The following AGAP1 variants were observed in gnomAD, a reference collection of about 807,000 sequenced individuals.
The protein encoded by AGAP1 is arf-GAP with GTPase, ANK repeat and PH domain-containing protein 1.
A neutral mutation model predicts 105.3 loss-of-function variants in AGAP1; 29 were observed. That is an observed-to-expected ratio of 0.28 (90% CI 0.21 to 0.38). AGAP1 has a LOEUF of 0.38. Among genes scored for constraint, AGAP1 ranks in the 10% least tolerant of loss-of-function variants. The pLI, the probability that AGAP1 is intolerant of heterozygous loss-of-function variation, is 1.00. For missense variants in AGAP1, 998 were observed against 1,165.1 expected, an observed-to-expected ratio of 0.86 and a Z score of 2.09; for synonymous variants, 509 against 485.9, an observed-to-expected ratio of 1.05 and a Z score of -0.63.
rs2125515000 is a variant in AGAP1 at position 236,001,161 on chromosome 2, A to T, written c.1645+32538A>T. ...TGGAGACTCTGGCGGTGGCTGGGGC[A>T]GCGCGGCTGTGGGGCAGAGAATGCT... is the stretch of plus-strand genomic sequence containing the variant. On this transcript the variant is annotated intron_variant, in intron 13 of 17. Transcript: ENST00000304032. This position sits in a 1 kb window ranked among gnomAD's most constrained non-coding sequence, Gnocchi z 4.7. 6.6e-6 allele frequency among the ~76,000 whole-genome samples: 1 copy of T among 152,298 alleles called. No individual in the cohort carries two copies. The highest frequency in any genetic ancestry group is 1.5e-5 in the Non-Finnish European group (1 of 68,016).
intron 6 of AGAP1, chr2:235,774,187 C>T (rs1259527167): frequency 1.3e-5 from 5 of 380,422 alleles, no homozygotes; most frequent in Non-Finnish European, 2.6e-5. Context: ...ATATTATAGA[C>T]ATTTCTTCTG....
chr2:235,687,123 G>C (rs1949492959), intron 1 of AGAP1, among the ~76,000 whole-genome samples: 1 of 152,138 alleles, frequency 6.6e-6, no homozygotes, highest in Admixed American at 6.5e-5. Context: ...CTTGGCCTCA[G>C]TTTCCTCGTA....
In AGAP1 at chr2:235,769,223, C is replaced by T. The variant is rs923461986; in HGVS notation, c.673+18735C>T. ...CAGGCGTGTCTTTTGTCCCCCAGTGCCTGGCACGGTGCCCTCCAGGAGTAC... is the reference window on the plus strand; with the variant it reads ...CAGGCGTGTCTTTTGTCCCCCAGTGTCTGGCACGGTGCCCTCCAGGAGTAC... On this transcript the variant is annotated intron_variant, in intron 6 of 17. Transcript: ENST00000304032. The surrounding 1 kb of genome is among the most constrained non-coding windows in gnomAD (Gnocchi z 4.4). Among the ~76,000 whole-genome samples, 3 of 152,258 alleles carry T rather than the reference C, an allele frequency of 2.0e-5. No individual in the cohort carries two copies. The South Asian group carries it at 6.2e-4, about 32-fold the overall frequency.
At chr2:235,588,828 G>C (rs1945220467) in intron 1 of AGAP1, among the ~76,000 whole-genome samples, 1 of 152,118 alleles carries the variant, frequency 6.6e-6, no homozygotes, top group South Asian at 2.1e-4. Flanking sequence ...CCTTTACCCA[G>C]CACGTTGGGG....
chr2:236,027,278 A>T lies in AGAP1; in HGVS notation c.1646-9283A>T, dbSNP rs920927650. On this transcript the variant is annotated intron_variant, in intron 13 of 17. Transcript: ENST00000304032. The surrounding 1 kb of genome is among the most constrained non-coding windows in gnomAD (Gnocchi z 4.4). ...AAAAATGAAGCCACCTAAAGACAGGATCCTGGGAAACACATGGGCCTAGCA... is the reference window on the plus strand; with the variant it reads ...AAAAATGAAGCCACCTAAAGACAGGTTCCTGGGAAACACATGGGCCTAGCA... Among the ~76,000 whole-genome samples the T allele has an allele frequency of 1.3e-5, 2 of 152,076 alleles. No individual in the cohort carries two copies. Among genetic ancestry groups the T allele is most frequent in the Non-Finnish European group, 2.9e-5 (2 of 68,006 alleles).
intron 12 of AGAP1, among the ~76,000 whole-genome samples, chr2:235,940,526 A>G (rs1002311578): frequency 4.6e-5 from 7 of 152,160 alleles, no homozygotes; most frequent in African/African-American, 1.2e-4. Context: ...CATCCACCAG[A>G]TAGTTCAGGC....
intron 1 of AGAP1, among the ~76,000 whole-genome samples, chr2:235,702,948 G>A (rs1384377537): frequency 7.5e-4 from 8 of 10,598 alleles, no homozygotes; most frequent in African/African-American, 2.8e-3. Context: ...TTTTTTTTTG[G>A]ACAGAGTCTG....
rs766078050 is a variant in AGAP1 at position 235,753,364 on chromosome 2, A to G, written c.673+2876A>G. On this transcript the variant is annotated intron_variant, in intron 6 of 17. Transcript: ENST00000304032. The surrounding 1 kb of genome is among the most constrained non-coding windows in gnomAD (Gnocchi z 4.5). ...GTGTCCGTTTTCATGGGCACAGGAG[A>G]TTTCCGTTCCAGTTTCGTATTATAG... Among the ~76,000 whole-genome samples the G allele has an allele frequency of 5.3e-5, 8 of 152,032 alleles. No individual in the cohort carries two copies. The highest frequency in any genetic ancestry group is 1.0e-4 in the Non-Finnish European group (7 of 68,004).
Position 235,758,939 on chromosome 2 carries a change from C to T in AGAP1, c.673+8451C>T, listed in dbSNP as rs146903370. ...TCCCAAGTTGCTGGGATTACAGGTG[C>T]GTGCCAGCACACCCAGCTAGTTTTT... is the stretch of plus-strand genomic sequence containing the variant. On this transcript the variant is annotated intron_variant, in intron 6 of 17. Coordinates refer to ENST00000304032, the MANE Select transcript of AGAP1 (RefSeq NM_001037131.3). 4.3e-3 allele frequency among the ~76,000 whole-genome samples: 649 copies of T among 152,010 alleles called. 3 individuals are homozygous for T. Among genetic ancestry groups the T allele is most frequent in the African/African-American group, 0.015 (605 of 41,472 alleles).
rs996796995 is a variant in AGAP1, at chr2:235,720,284, T to C, written c.310+2640T>C. Among the ~76,000 whole-genome samples, 3 of 152,150 alleles carry C rather than the reference T, an allele frequency of 2.0e-5. No homozygotes were observed. Among genetic ancestry groups the C allele is most frequent in the Non-Finnish European group, 4.4e-5 (3 of 68,022 alleles). ...GATCAATTACCCATGCTTTGCTTAA[T>C]TGAGAAGCTTTAGGTATAGAGTGTT... is the stretch of plus-strand genomic sequence containing the variant. On this transcript the variant is annotated intron_variant, in intron 3 of 17. Transcript: ENST00000304032. The surrounding 1 kb of genome is among the most constrained non-coding windows in gnomAD (Gnocchi z 5.0).
At position 235,644,656 on chromosome 2, in the gene AGAP1, A is replaced by G. The variant is rs183120077; in HGVS notation, c.164-64523A>G. 2.1e-3 allele frequency among the ~76,000 whole-genome samples: 320 copies of G among 152,240 alleles called. 1 individual carries two copies. The highest frequency in any genetic ancestry group is 3.1e-3 in the Non-Finnish European group (208 of 68,000). ...CGCTTGGCCACCAGGGGATCTTGGC[A>G]AGAGAGGCCGTGGGATTTGAGAGTT... On this transcript the variant is annotated intron_variant, in intron 1 of 17. Coordinates refer to ENST00000304032, the MANE Select transcript of AGAP1 (RefSeq NM_001037131.3).
rs976620748 is a variant in AGAP1 at position 235,700,388 on chromosome 2, C to T, written c.164-8791C>T. On this transcript the variant is annotated intron_variant, in intron 1 of 17. Transcript: ENST00000304032. This position sits in a 1 kb window ranked among gnomAD's most constrained non-coding sequence, Gnocchi z 6.1. Reference sequence around the variant, plus strand: ...TCCTCACGCCCTCTGCTTTGATTCTCTCAGACGTGAATCCTTTAAGCAGTG... The same window carrying T: ...TCCTCACGCCCTCTGCTTTGATTCTTTCAGACGTGAATCCTTTAAGCAGTG... Among the ~76,000 whole-genome samples, 5 of 152,204 alleles carry T rather than the reference C, an allele frequency of 3.3e-5. No homozygotes were observed. The highest frequency in any genetic ancestry group is 4.8e-5 in the African/African-American group (2 of 41,430).
rs1946531824 is a variant in AGAP1, at chr2:235,622,933, G to C, written c.164-86246G>C. On this transcript the variant is annotated intron_variant, in intron 1 of 17. Coordinates refer to ENST00000304032, the MANE Select transcript of AGAP1 (RefSeq NM_001037131.3). The surrounding 1 kb of genome is among the most constrained non-coding windows in gnomAD (Gnocchi z 5.0). ...TATTGGCATGAGAACCACGTCCCCA[G>C]CTATTCCCACCTGCACACTGGAGGG... Among the ~76,000 whole-genome samples the C allele has an allele frequency of 6.6e-6, 1 of 152,072 alleles. No homozygotes were observed. The highest frequency in any genetic ancestry group is 1.5e-5 in the Non-Finnish European group (1 of 68,028).
intron 1 of AGAP1, among the ~76,000 whole-genome samples, chr2:235,590,715 ATTTTT>A (rs67076321): frequency 7.4e-5 from 4 of 53,716 alleles, no homozygotes; most frequent in African/African-American, 3.5e-4. Flanking sequence ...GTGTGTGTGC[ATTTTT>A]TTTTTTTTTT....
intron 3 of AGAP1, among the ~76,000 whole-genome samples, chr2:235,735,625 G>C (rs1437508857): frequency 6.6e-6 from 1 of 151,818 alleles, no homozygotes; most frequent in Non-Finnish European, 1.5e-5. Context: ...CTGGTGCGCT[G>C]TTCATTCACG....
At position 236,014,885 on chromosome 2, in the gene AGAP1, GCCTCCGCACCTCCACC is replaced by G. The variant is rs2056641882; in HGVS notation, c.1646-21674_1646-21659del. The stretch of plus-strand genomic sequence containing the variant: ...CAGCAGCACCAACACTGAAGGTAAC[GCCTCCGCACCTCCACC>G]CGCCCACACCTCCACCTGCCTCTTC... On this transcript the variant is annotated intron_variant, in intron 13 of 17. Transcript: ENST00000304032. This position sits in a 1 kb window ranked among gnomAD's most constrained non-coding sequence, Gnocchi z 6.3. 4.8e-6 allele frequency: 2 copies of G among 416,376 alleles called. No individual in the cohort carries two copies. The highest frequency in any genetic ancestry group is 4.2e-5 in the African/African-American group (2 of 47,560). 25.8% of individuals were successfully genotyped at this position (416,376 alleles called of 1,614,324 possible).
rs778652129 is a variant in AGAP1, at chr2:235,625,020, C to T, written c.164-84159C>T. ...ATGCTGATGCCATGCTTTCTATACA[C>T]TCTGCAGAACCGTGTGCCAATTAAA... On this transcript the variant is annotated intron_variant, in intron 1 of 17. Coordinates refer to ENST00000304032, the MANE Select transcript of AGAP1 (RefSeq NM_001037131.3). The surrounding 1 kb of genome is among the most constrained non-coding windows in gnomAD (Gnocchi z 4.0). Among the ~76,000 whole-genome samples, 4 of 152,206 alleles carry T rather than the reference C, an allele frequency of 2.6e-5. No homozygotes were observed. The highest frequency in any genetic ancestry group is 7.2e-5 in the African/African-American group (3 of 41,436).
chr2:235,631,080 A>C lies in AGAP1; in HGVS notation c.164-78099A>C, dbSNP rs1946815558. 6.6e-6 allele frequency among the ~76,000 whole-genome samples: 1 copy of C among 152,210 alleles called. No individual in the cohort carries two copies. Among genetic ancestry groups the C allele is most frequent in the Admixed American group, 6.5e-5 (1 of 15,280 alleles). On this transcript the variant is annotated intron_variant, in intron 1 of 17. Coordinates refer to ENST00000304032, the MANE Select transcript of AGAP1 (RefSeq NM_001037131.3). The surrounding 1 kb of genome is among the most constrained non-coding windows in gnomAD (Gnocchi z 5.4). ...ACAGGGCCCACAGTCTAGCTCCTTC[A>C]TATGCAAATGCACTGGTAATGCCTG...
chr2:235,618,851 T>G (rs1049198113), intron 1 of AGAP1, among the ~76,000 whole-genome samples: 2 of 152,160 alleles, frequency 1.3e-5, no homozygotes, highest in African/African-American at 4.8e-5. Context: ...GACCTTCTGT[T>G]GGCAAAAGAA....
Sources: gnomAD v4.1 joint callset for allele counts (sites outside exome capture counted in the v4.1 genomes callset) on GRCh38, gnomAD v4.1.1 for gene constraint, Gnocchi (gnomAD v3.1) non-coding constraint, MANE v1.5 for transcripts, NCBI Gene and HGNC (gene_info 2026-07-23, HGNC 2026-07-21) for gene names.